The following NCAM1 variants were observed in gnomAD, a reference collection of about 807,000 sequenced individuals.
The protein encoded by NCAM1 is neural cell adhesion molecule 1.
A neutral mutation model predicts 109.8 loss-of-function variants in NCAM1; 14 were observed. The observed-to-expected ratio is 0.13, with a 90% CI of 0.08 to 0.20. NCAM1 has a LOEUF of 0.20. Among genes scored for constraint, NCAM1 ranks in the 10% least tolerant of loss-of-function variants. The pLI is 1.00. For synonymous variants in NCAM1, 418 were observed against 442.9 expected, an observed-to-expected ratio of 0.94 and a Z score of 0.70; for missense variants, 774 against 1,109.9, an observed-to-expected ratio of 0.70 and a Z score of 4.30.
intron 9 of NCAM1, among the ~76,000 whole-genome samples, chr11:113,227,495 C>T (rs1302876380): frequency 1.8e-4 from 27 of 152,138 alleles, no homozygotes; most frequent in Non-Finnish European, 1.2e-4. Context: ...CCAAATTCTA[C>T]CAGAGGTACA....
At chr11:113,199,404 T>C (rs1555111419) in intron 1 of NCAM1, among the ~76,000 whole-genome samples, 1 of 152,128 alleles carries the variant, frequency 6.6e-6, no homozygotes, top group East Asian at 1.9e-4. Context: ...AGTATTTCAG[T>C]GCTTCGTGTT....
At chr11:113,220,033 T>A (rs1407591070) in intron 8 of NCAM1, among the ~76,000 whole-genome samples, 1 of 152,242 alleles carries the variant, frequency 6.6e-6, no homozygotes, top group Non-Finnish European at 1.5e-5. Flanking sequence ...TGCGTTGCTA[T>A]GATTCTGGCA....
intron 1 of NCAM1, chr11:113,041,232 G>A (rs1953062385): frequency 1.3e-5 from 2 of 152,126 alleles, no homozygotes; most frequent in African/African-American, 4.8e-5. Context: ...TTCTCAAATC[G>A]GATATAAGAC....
At chr11:113,107,781 G>A (rs1940241685) in intron 1 of NCAM1, among the ~76,000 whole-genome samples, 1 of 152,034 alleles carries the variant, frequency 6.6e-6, no homozygotes, top group African/African-American at 2.4e-5. Flanking sequence ...ATTTGGGTGG[G>A]GACACAGCCA....
chr11:113,271,916 A>AC, intron 19 of NCAM1, 40 bp downstream of exon 19: 1 of 1,456,278 alleles, frequency 6.9e-7, no homozygotes, highest in Non-Finnish European at 9.3e-7. Context: ...CTCCGTAGAG[A>AC]CCCCCACACC....
chr11:113,003,155 C>T (rs536363809), intron 1 of NCAM1, among the ~76,000 whole-genome samples: 1 of 152,370 alleles, frequency 6.6e-6, no homozygotes, highest in East Asian at 1.9e-4. Flanking sequence ...ATCACACTCC[C>T]TGTTAAAGGA....
chr11:113,002,703 T>C (rs1368307064), intron 1 of NCAM1, among the ~76,000 whole-genome samples: 2 of 152,152 alleles, frequency 1.3e-5, no homozygotes, highest in East Asian at 1.9e-4. Context: ...GAGAGAATTA[T>C]ATTTTTCAAG....
chr11:113,095,481 C>T (rs147641933), intron 1 of NCAM1, among the ~76,000 whole-genome samples: 220 of 152,292 alleles, frequency 1.4e-3, no homozygotes, highest in Non-Finnish European at 2.6e-3. Flanking sequence ...GTTCTTTTAA[C>T]GCAGGCAGCC....
chr11:113,101,531 T>G (rs1939874291), intron 1 of NCAM1, among the ~76,000 whole-genome samples: 1 of 152,190 alleles, frequency 6.6e-6, no homozygotes, highest in South Asian at 2.1e-4. Context: ...GGTGTCACAC[T>G]TTCTCCTGTT....
At chr11:113,168,699 T>C (rs1555105667) in intron 1 of NCAM1, among the ~76,000 whole-genome samples, 1 of 152,232 alleles carries the variant, frequency 6.6e-6, no homozygotes, top group East Asian at 1.9e-4. Context: ...TTCTGTTTCT[T>C]ACCAAAAATT....
intron 1 of NCAM1, among the ~76,000 whole-genome samples, chr11:113,129,852 C>G (rs551321072): frequency 4.6e-5 from 7 of 152,202 alleles, no homozygotes; most frequent in Non-Finnish European, 1.0e-4. Flanking sequence ...CAGCCCATTG[C>G]TAGTTAAGTA....
At chr11:113,257,354 T>C (rs536326353) in intron 16 of NCAM1, among the ~76,000 whole-genome samples, 6 of 152,370 alleles carry the variant, frequency 3.9e-5, no homozygotes, top group African/African-American at 1.4e-4. Context: ...TCTGGAAGAA[T>C]AGGTCACCTA....
At chr11:113,262,268 C>CA (rs1946027723) in intron 17 of NCAM1, among the ~76,000 whole-genome samples, 1 of 152,226 alleles carries the variant, frequency 6.6e-6, no homozygotes, top group Non-Finnish European at 1.5e-5. Flanking sequence ...TGCTTCATCT[C>CA]TGACAAGGCC....
rs1252149809 is a variant in NCAM1, at chr11:113,263,230, G to C, written c.2131+2907G>C. 2.8e-5 allele frequency: 30 copies of C among 1,070,756 alleles called. No homozygotes were observed. In the African/African-American group the frequency reaches 4.3e-4, roughly 15 times the overall value. The allele number at this position is 1,070,756 out of a possible 1,614,324, so 66.3% of individuals were successfully genotyped here. On this transcript the variant is annotated intron_variant, in intron 17 of 19. Coordinates refer to ENST00000316851, the MANE Select transcript of NCAM1 (RefSeq NM_181351.5). ...ATGCTAGATTTACAGAGAAGTTTCT[G>C]CATATCTGCTACTTGTTGCATTTTG...
chr11:113,096,402 C>A (rs1460674474), intron 1 of NCAM1, among the ~76,000 whole-genome samples: 5 of 152,080 alleles, frequency 3.3e-5, no homozygotes, highest in Non-Finnish European at 7.4e-5. Context: ...TCAGGGTGAA[C>A]GTGAGAGATG....
rs1215944294 is a variant in NCAM1 at position 113,059,154 on chromosome 11, C to T, written c.52+97490C>T. Among the ~76,000 whole-genome samples, 5 of 152,082 alleles carry T rather than the reference C, an allele frequency of 3.3e-5. No individual in the cohort carries two copies. In the South Asian group the frequency reaches 1.0e-3, roughly 32 times the overall value. Reference sequence around the variant, plus strand: ...CTGCTATCCTGGGCAAGCCATTTAACCTTTATGGGCCTCGGTTGCTTTCTT... The same window carrying T: ...CTGCTATCCTGGGCAAGCCATTTAATCTTTATGGGCCTCGGTTGCTTTCTT... On this transcript the variant is annotated intron_variant, in intron 1 of 19. Coordinates refer to ENST00000316851, the MANE Select transcript of NCAM1 (RefSeq NM_181351.5).
intron 7 of NCAM1, among the ~76,000 whole-genome samples, chr11:113,209,869 AG>A (rs1283528180): frequency 2.0e-5 from 3 of 152,362 alleles, no homozygotes; most frequent in Middle Eastern, 3.4e-3. Flanking sequence ...AAGTTAGAGA[AG>A]TCATTAAAAT....
intron 1 of NCAM1, among the ~76,000 whole-genome samples, chr11:113,192,003 G>C (rs1943692719): frequency 6.6e-6 from 1 of 152,162 alleles, no homozygotes; most frequent in Admixed American, 6.5e-5. Context: ...TCTATTTTCT[G>C]AATGTAAAGA....
intron 7 of NCAM1, among the ~76,000 whole-genome samples, chr11:113,213,379 C>T (rs148817864): frequency 6.6e-6 from 1 of 152,186 alleles, no homozygotes; most frequent in African/African-American, 2.4e-5. Context: ...TCAATTTTCT[C>T]TAATGTTTTA....
Sources: gnomAD v4.1 joint callset for allele counts (sites outside exome capture counted in the v4.1 genomes callset) on GRCh38, gnomAD v4.1.1 for gene constraint, MANE v1.5 for transcripts, NCBI Gene and HGNC (gene_info 2026-07-23, HGNC 2026-07-21) for gene names.